PLPP4: variants seen among roughly 807,000 people sequenced by gnomAD.
The protein encoded by PLPP4 is diacylglycerol pyrophosphate like 2.
Under a neutral mutation model 32.2 loss-of-function variants are expected in PLPP4, and 20 were observed. The observed-to-expected ratio is 0.62, with a 90% confidence interval of 0.44 to 0.90. The LOEUF is 0.90. PLPP4 is among the 40% of genes least tolerant of loss of function. The probability of loss-of-function intolerance (pLI) is 0.00; values close to 1 mark genes in which losing one functional copy is unlikely to be tolerated. For missense variants in PLPP4, 257 were observed against 353.1 expected, an observed-to-expected ratio of 0.73 and a Z score of 2.18; for synonymous variants, 127 against 133.0, an observed-to-expected ratio of 0.95 and a Z score of 0.31.
In PLPP4 at chr10:120,580,677, AC is replaced by A. The variant is rs1367498642; in HGVS notation, c.616+5377del. Among the ~76,000 whole-genome samples, 1,020 of 134,204 alleles carry A rather than the reference AC, an allele frequency of 7.6e-3. 17 individuals carry two copies. The highest frequency in any genetic ancestry group is 0.026 in the African/African-American group (951 of 36,826). 88.0% of individuals were successfully genotyped at this position (134,204 alleles called of 152,430 possible). A position where few individuals can be genotyped will look rare whatever the true frequency, so the allele number is the denominator to read the frequency against. ...CACACACACACACACACACACACAC[AC>A]ACGGCTGAGGGACATACACTGTTAT... On this transcript the variant is annotated intron_variant, in intron 6 of 6. Transcript: ENST00000398250.
At chr10:120,481,061 C>T (rs185073392) in intron 1 of PLPP4, among the ~76,000 whole-genome samples, 196 of 152,314 alleles carry the variant, frequency 1.3e-3, no homozygotes, top group African/African-American at 4.4e-3. Context: ...GCCTGTGAGA[C>T]GCTCCACCCT....
chr10:120,461,794 C>G (rs1848061514), intron 1 of PLPP4, among the ~76,000 whole-genome samples: 1 of 152,204 alleles, frequency 6.6e-6, no homozygotes. Flanking sequence ...TGTTCATCCA[C>G]TTGATGGATA....
chr10:120,548,310 A>G (rs531697522), intron 5 of PLPP4, among the ~76,000 whole-genome samples: 35 of 152,220 alleles, frequency 2.3e-4, no homozygotes, highest in Admixed American at 9.8e-4. Flanking sequence ...GCTCCCAGTT[A>G]TAAGTGAGAA....
At chr10:120,539,364 T>C (rs944874624) in intron 5 of PLPP4, among the ~76,000 whole-genome samples, 1 of 152,176 alleles carries the variant, frequency 6.6e-6, no homozygotes, top group African/African-American at 2.4e-5. Flanking sequence ...GGGCTTAAAA[T>C]GCCTGTCAAA....
chr10:120,484,181 A>C (rs1415599133), intron 1 of PLPP4, among the ~76,000 whole-genome samples: 1 of 152,156 alleles, frequency 6.6e-6, no homozygotes, highest in Non-Finnish European at 1.5e-5. Context: ...TTTTCTATGC[A>C]TATGTGCATG....
intron 1 of PLPP4, among the ~76,000 whole-genome samples, chr10:120,480,853 A>T (rs1844166819): frequency 6.6e-6 from 1 of 152,150 alleles, no homozygotes; most frequent in Admixed American, 6.5e-5. Flanking sequence ...TTTGATTTTC[A>T]GGCCCAAGTT....
chr10:120,554,135 C>T (rs1305959387), intron 5 of PLPP4, among the ~76,000 whole-genome samples: 1 of 152,110 alleles, frequency 6.6e-6, no homozygotes, highest in Non-Finnish European at 1.5e-5. Flanking sequence ...TGCATATGAC[C>T]ATATGCTGTT....
intron 5 of PLPP4, among the ~76,000 whole-genome samples, chr10:120,547,245 CCTTT>C (rs1847668654): frequency 6.6e-6 from 1 of 151,384 alleles, no homozygotes; most frequent in African/African-American, 2.4e-5. Context: ...GAAATAAATG[CCTTT>C]CAAAGAAAGG....
intron 5 of PLPP4, among the ~76,000 whole-genome samples, chr10:120,527,075 T>C (rs946814748): frequency 6.6e-6 from 1 of 151,558 alleles, no homozygotes; most frequent in Non-Finnish European, 1.5e-5. Flanking sequence ...CAGTAGGATG[T>C]CTGTCTGTCT....
At chr10:120,567,039 C>T (rs1052499197) in intron 5 of PLPP4, among the ~76,000 whole-genome samples, 7 of 152,180 alleles carry the variant, frequency 4.6e-5, no homozygotes, top group African/African-American at 1.4e-4. Context: ...TTTCCTGTGT[C>T]CTTGCACCCT....
intron 5 of PLPP4, among the ~76,000 whole-genome samples, chr10:120,574,415 G>T (rs1589913387): frequency 6.6e-6 from 1 of 151,846 alleles, no homozygotes; most frequent in East Asian, 1.9e-4. Flanking sequence ...TAAAGCTTGG[G>T]GCTTATACAT....
In PLPP4 at chr10:120,574,544, T is replaced by A. The variant is rs142454928; in HGVS notation, c.446-587T>A. On this transcript the variant is annotated intron_variant, in intron 5 of 6. Coordinates refer to ENST00000398250, the MANE Select transcript of PLPP4 (RefSeq NM_001030059.3). ...CAGAAAACAAGGTATTTGTCATCGCTGACTTCTCCATCAAACTCACTCTTT... is the reference window on the plus strand; with the variant it reads ...CAGAAAACAAGGTATTTGTCATCGCAGACTTCTCCATCAAACTCACTCTTT... Among the ~76,000 whole-genome samples, 630 of 152,332 alleles carry A rather than the reference T, an allele frequency of 4.1e-3. 1 individual carries two copies. The highest frequency in any genetic ancestry group is 0.01 in the Middle Eastern group (3 of 294).
intron 6 of PLPP4, among the ~76,000 whole-genome samples, chr10:120,582,567 T>TC (rs11386807): frequency 0.52 from 78,773 of 151,900 alleles, 20,988 homozygotes; most frequent in Middle Eastern, 0.6. Context: ...AGCATATCTT[T>TC]CAAAAGGACA....
At chr10:120,463,046 C>T (rs1258683710) in intron 1 of PLPP4, among the ~76,000 whole-genome samples, 14 of 110,308 alleles carry the variant, frequency 1.3e-4, no homozygotes, top group South Asian at 6.2e-4. Context: ...TTTTTTGAGA[C>T]GGAGTCTCAC....
chr10:120,524,696 G>T (rs1246892462), intron 5 of PLPP4, among the ~76,000 whole-genome samples: 1 of 152,198 alleles, frequency 6.6e-6, no homozygotes, highest in African/African-American at 2.4e-5. Flanking sequence ...TTTTTATGGG[G>T]CTTGCTCTGT....
intron 6 of PLPP4, among the ~76,000 whole-genome samples, chr10:120,583,788 C>T (rs1479590219): frequency 3.9e-5 from 6 of 152,134 alleles, no homozygotes; most frequent in Admixed American, 6.5e-5. Context: ...GAATAAAAGT[C>T]GGCTGAGCTC....
intron 1 of PLPP4, among the ~76,000 whole-genome samples, chr10:120,458,176 T>C (rs1016949417): frequency 6.6e-6 from 1 of 152,088 alleles, no homozygotes; most frequent in African/African-American, 2.4e-5. Context: ...ACATCTCTCT[T>C]TCAGACCTGA....
At chr10:120,542,532 G>A (rs74159438) in intron 5 of PLPP4, among the ~76,000 whole-genome samples, 14 of 152,298 alleles carry the variant, frequency 9.2e-5, no homozygotes, top group African/African-American at 3.4e-4. Context: ...ATGAAAGATG[G>A]GATTTGGAAT....
chr10:120,494,357 C>T (rs1440954573), intron 1 of PLPP4, among the ~76,000 whole-genome samples: 1 of 152,198 alleles, frequency 6.6e-6, no homozygotes, highest in African/African-American at 2.4e-5. Flanking sequence ...CCTGACAAGT[C>T]AAGCACCTTG....
Sources: gnomAD v4.1 joint callset for allele counts (sites outside exome capture counted in the v4.1 genomes callset) on GRCh38, gnomAD v4.1.1 for gene constraint, MANE v1.5 for transcripts, NCBI Gene and HGNC (gene_info 2026-07-23, HGNC 2026-07-21) for gene names.